TEAD1: variants seen among roughly 807,000 people sequenced by gnomAD.
TEAD1 encodes transcriptional enhancer factor TEF-1.
A neutral mutation model predicts 54.9 loss-of-function variants in TEAD1; 9 were observed. The observed-to-expected ratio is 0.16, with a 90% CI of 0.10 to 0.29. The LOEUF is 0.29. Ranked by LOEUF, TEAD1 falls within the 10% of genes least tolerant of loss-of-function variation. The pLI, the probability that TEAD1 is intolerant of heterozygous loss-of-function variation, is 1.00. For synonymous variants in TEAD1, 200 were observed against 187.8 expected (o/e 1.07, Z -0.53); for missense variants, 387 against 535.9 (o/e 0.72, Z 2.74).
chr11:12,864,630 T>G, intron 4 of TEAD1: 2 of 1,194,702 alleles, frequency 1.7e-6, no homozygotes, highest in Non-Finnish European at 2.2e-6. Flanking sequence ...TTGTTTTGTT[T>G]TGTTTTGTTT....
intron 2 of TEAD1, among the ~76,000 whole-genome samples, chr11:12,706,919 T>A (rs1229932338): frequency 6.6e-6 from 1 of 152,042 alleles, no homozygotes; most frequent in Non-Finnish European, 1.5e-5. Context: ...AAAACCAAGC[T>A]GAGAAAGGGC....
At chr11:12,803,257 T>C (rs1946101097) in intron 3 of TEAD1, among the ~76,000 whole-genome samples, 2 of 152,168 alleles carry the variant, frequency 1.3e-5, no homozygotes, top group African/African-American at 2.4e-5. Flanking sequence ...AAACCCCGAG[T>C]GTTCTCAGCC....
intron 3 of TEAD1, among the ~76,000 whole-genome samples, chr11:12,802,711 G>A (rs1428356394): frequency 6.6e-6 from 1 of 152,158 alleles, no homozygotes; most frequent in Non-Finnish European, 1.5e-5. Context: ...CGACCCGACC[G>A]GGTCTCAGGT....
Position 12,734,710 on chromosome 11 carries a change from C to T in TEAD1, c.-54-29469C>T, listed in dbSNP as rs139766977. On this transcript the variant is annotated intron_variant, in intron 2 of 12. Transcript: ENST00000527636. Reference sequence around the variant, plus strand: ...TACAGTATTCAGTATAGTAATATGCCGTACAGATCTGTATTCTAGAAACAA... The same window carrying T: ...TACAGTATTCAGTATAGTAATATGCTGTACAGATCTGTATTCTAGAAACAA... 2.6e-4 allele frequency among the ~76,000 whole-genome samples: 39 copies of T among 152,166 alleles called. No homozygotes were observed. The East Asian group carries it at 4.4e-3, about 17-fold the overall frequency.
chr11:12,769,474 T>C (rs1945273876), intron 3 of TEAD1, among the ~76,000 whole-genome samples: 1 of 152,150 alleles, frequency 6.6e-6, no homozygotes, highest in Non-Finnish European at 1.5e-5. Flanking sequence ...AAACCTGTGG[T>C]CGCTACACTC....
At chr11:12,915,501 T>G (rs1948694317) in intron 10 of TEAD1, among the ~76,000 whole-genome samples, 1 of 152,210 alleles carries the variant, frequency 6.6e-6, no homozygotes, top group Non-Finnish European at 1.5e-5. Flanking sequence ...TTGGAGAGTG[T>G]TGCATTTTTC....
intron 9 of TEAD1, among the ~76,000 whole-genome samples, chr11:12,895,819 A>G (rs1400650483): frequency 6.6e-6 from 1 of 152,146 alleles, no homozygotes; most frequent in Non-Finnish European, 1.5e-5. Context: ...ATTTACCTCC[A>G]CATTTCTAAA....
intron 3 of TEAD1, among the ~76,000 whole-genome samples, chr11:12,810,130 A>T (rs1409243726): frequency 2.6e-5 from 4 of 151,880 alleles, no homozygotes; most frequent in South Asian, 4.2e-4. Flanking sequence ...ATAGGCGCAC[A>T]CCACCACGCC....
Position 12,925,021 on chromosome 11 carries a change from C to G in TEAD1, c.983C>G (p.Ser328Cys). The change falls in exon 11 of 13, where the codon TCC becomes TGC. Residue 328 changes from serine to cysteine, a missense_variant. Transcript: ENST00000527636. ...GTCACCTGTTCCACCAAAGTTTGCT[C>G]CTTTGGGAAGCAAGTAGTAGAAAAA... is the stretch of plus-strand genomic sequence containing the variant. 6.2e-7 allele frequency: 1 copy of G among 1,614,096 alleles called. No homozygotes were observed. The highest frequency in any genetic ancestry group is 8.5e-7 in the Non-Finnish European group (1 of 1,180,020).
intron 10 of TEAD1, among the ~76,000 whole-genome samples, chr11:12,917,781 GAGA>G (rs1948742198): frequency 1.3e-5 from 2 of 152,158 alleles, no homozygotes; most frequent in Non-Finnish European, 2.9e-5. Context: ...AGCAAACAGG[GAGA>G]AGATTTCTTA....
chr11:12,830,382 A>T (rs1375492487), intron 3 of TEAD1, among the ~76,000 whole-genome samples: 1 of 152,068 alleles, frequency 6.6e-6, no homozygotes, highest in Non-Finnish European at 1.5e-5. Flanking sequence ...GGAAGACTCA[A>T]CCCAAACCTG....
chr11:12,921,987 G>A (rs921182656), intron 10 of TEAD1, among the ~76,000 whole-genome samples: 1 of 152,142 alleles, frequency 6.6e-6, no homozygotes, highest in Non-Finnish European at 1.5e-5. Context: ...AGAATGTGAG[G>A]AAAGCTCACT....
At chr11:12,913,236 G>A (rs1281087458) in intron 10 of TEAD1, among the ~76,000 whole-genome samples, 2 of 151,932 alleles carry the variant, frequency 1.3e-5, no homozygotes, top group African/African-American at 4.8e-5. Flanking sequence ...AAAGATCCAC[G>A]GTACCTCCTA....
intron 2 of TEAD1, among the ~76,000 whole-genome samples, chr11:12,679,920 G>A (rs576712376): frequency 6.6e-5 from 10 of 152,130 alleles, no homozygotes; most frequent in Non-Finnish European, 1.0e-4. Flanking sequence ...CTGTATCCAA[G>A]CATTTTTGTA....
intron 9 of TEAD1, among the ~76,000 whole-genome samples, chr11:12,893,898 C>T (rs1589966948): frequency 6.6e-6 from 1 of 152,158 alleles, no homozygotes; most frequent in South Asian, 2.1e-4. Flanking sequence ...GGGCAGGAAC[C>T]GTGAGCACAG....
intron 2 of TEAD1, among the ~76,000 whole-genome samples, chr11:12,727,655 C>T (rs1008572995): frequency 3.3e-5 from 5 of 152,102 alleles, no homozygotes; most frequent in Admixed American, 6.5e-5. Context: ...GACAAGAAAC[C>T]TGGCCAGTTA....
chr11:12,906,633 T>C (rs1468515137), intron 10 of TEAD1, among the ~76,000 whole-genome samples: 1 of 152,132 alleles, frequency 6.6e-6, no homozygotes, highest in Non-Finnish European at 1.5e-5. Context: ...AAATCCAGCG[T>C]TGGAATTTGT....
At chr11:12,843,393 C>T (rs367648104) in intron 3 of TEAD1, among the ~76,000 whole-genome samples, 19 of 152,288 alleles carry the variant, frequency 1.2e-4, no homozygotes, top group South Asian at 6.2e-4. Context: ...CCAGTGTCTA[C>T]GAATTACTGT....
chr11:12,843,186 G>A (rs533368527), intron 3 of TEAD1, among the ~76,000 whole-genome samples: 1 of 152,294 alleles, frequency 6.6e-6, no homozygotes, highest in Admixed American at 6.5e-5. Flanking sequence ...TCTTGGGAGG[G>A]TGCACATAGA....
Sources: gnomAD v4.1 joint callset for allele counts (sites outside exome capture counted in the v4.1 genomes callset) on GRCh38, gnomAD v4.1.1 for gene constraint, MANE v1.5 for transcripts, NCBI Gene and HGNC (gene_info 2026-07-23, HGNC 2026-07-21) for gene names.